The following TTC1 variants were observed in gnomAD, a reference collection of about 807,000 sequenced individuals.
TTC1 encodes tetratricopeptide repeat protein 1.
Under a neutral mutation model 37.6 loss-of-function variants are expected in TTC1, and 31 were observed. The ratio of observed to expected loss-of-function variants is 0.82; its 90% CI spans 0.62 to 1.11. The LOEUF (loss-of-function observed/expected upper bound fraction) is 1.11, where lower values mean the gene tolerates loss of function less well. Among genes scored for constraint, TTC1 ranks in the 50% most tolerant of loss-of-function variants. TTC1 has a pLI of 0.00. For missense variants in TTC1, 351 were observed against 339.0 expected, an observed-to-expected ratio of 1.04 and a Z score of -0.28; for synonymous variants, 127 against 122.4, an observed-to-expected ratio of 1.04 and a Z score of -0.25.
chr5:160,047,559 A>G (rs1757284779), intron 5 of TTC1, among the ~76,000 whole-genome samples: 1 of 152,196 alleles, frequency 6.6e-6, no homozygotes, highest in South Asian at 2.1e-4. Context: ...CGCCAACACT[A>G]CAGCCAAAGC....
chr5:160,037,567 T>C (rs1246975911), intron 4 of TTC1, among the ~76,000 whole-genome samples: 1 of 152,068 alleles, frequency 6.6e-6, no homozygotes, highest in Non-Finnish European at 1.5e-5. Flanking sequence ...AATACAAAAA[T>C]TAGCCAGGCA....
At chr5:160,051,238 GA>G (rs755547392) in intron 7 of TTC1, 55 bp downstream of exon 7, 4 of 1,451,248 alleles carry the variant, frequency 2.8e-6, no homozygotes, top group Non-Finnish European at 3.8e-6. Flanking sequence ...CTAGGGTGGG[GA>G]CATAGCGAAT....
chr5:160,036,607 A>C (rs1418522516), intron 3 of TTC1, 84 bp from the exon 4 acceptor site: 1 of 931,748 alleles, frequency 1.1e-6, no homozygotes, highest in African/African-American at 1.6e-5. Context: ...TATGAATGGA[A>C]AACAGTGCTT....
At chr5:160,013,202 G>A (rs934892350) in intron 2 of TTC1, among the ~76,000 whole-genome samples, 1 of 152,116 alleles carries the variant, frequency 6.6e-6, no homozygotes, top group African/African-American at 2.4e-5. Context: ...ATTGCCTTCA[G>A]CTAACTGTGG....
At chr5:160,031,377 C>T (rs1346065434) in intron 2 of TTC1, among the ~76,000 whole-genome samples, 1 of 151,956 alleles carries the variant, frequency 6.6e-6, no homozygotes, top group Non-Finnish European at 1.5e-5. Context: ...TTTGGGAGGC[C>T]AAGGCAGGTG....
chr5:160,041,316 T>TC (rs1251048656), intron 4 of TTC1, among the ~76,000 whole-genome samples: 2 of 150,054 alleles, frequency 1.3e-5, no homozygotes, highest in Non-Finnish European at 3.0e-5. Context: ...TTTCTTTCTT[T>TC]TTTTTTTTTT....
chr5:160,030,621 A>G (rs1236897303), intron 2 of TTC1, among the ~76,000 whole-genome samples: 1 of 152,224 alleles, frequency 6.6e-6, no homozygotes, highest in Non-Finnish European at 1.5e-5. Context: ...AACTCCGTTC[A>G]TCAAGAGCAT....
At chr5:160,023,219 G>T (rs1425848938) in intron 2 of TTC1, among the ~76,000 whole-genome samples, 2 of 148,590 alleles carry the variant, frequency 1.3e-5, no homozygotes, top group African/African-American at 5.0e-5. Context: ...TTGCATCACT[G>T]CACTCCAGCC....
chr5:160,023,836 G>A, intron 2 of TTC1: 2 of 1,613,584 alleles, frequency 1.2e-6, no homozygotes, highest in South Asian at 1.1e-5. Context: ...AGCTGTCAGA[G>A]TCAGATGACT....
In TTC1 at chr5:160,055,867, A is replaced by G. The variant is rs146909918; in HGVS notation, c.745+4684A>G. Among the ~76,000 whole-genome samples the G allele has an allele frequency of 2.1e-3, 320 of 152,360 alleles. 5 individuals are homozygous for G. The highest frequency in any genetic ancestry group is 0.018 in the Admixed American group (279 of 15,304). ...TGTAGCTGCAGCAGAGAAAAACTAG[A>G]AAGCAAATATTTCAGAATGTGTGGT... is the stretch of plus-strand genomic sequence containing the variant. On this transcript the variant is annotated intron_variant, in intron 7 of 7. Coordinates refer to ENST00000231238, the MANE Select transcript of TTC1 (RefSeq NM_003314.3).
intron 2 of TTC1, among the ~76,000 whole-genome samples, chr5:160,029,422 A>C (rs1756866146): frequency 6.7e-6 from 1 of 148,640 alleles, no homozygotes; most frequent in Non-Finnish European, 1.5e-5. Context: ...TGGGAGGATC[A>C]CTTGAGCCCA....
chr5:160,010,996 G>C, intron 2 of TTC1, 138 bp downstream of exon 2: 1 of 805,380 alleles, frequency 1.2e-6, no homozygotes, highest in Non-Finnish European at 1.9e-6. Context: ...AGTAGTGTTG[G>C]ATCTGAGATA....
At chr5:160,041,286 G>A (rs1581104765) in intron 4 of TTC1, among the ~76,000 whole-genome samples, 1 of 150,090 alleles carries the variant, frequency 6.7e-6, no homozygotes, top group East Asian at 2.0e-4. Flanking sequence ...TTATTATCAA[G>A]TATTATGTAT....
chr5:160,031,010 C>G (rs1341393693), intron 2 of TTC1, among the ~76,000 whole-genome samples: 1 of 152,180 alleles, frequency 6.6e-6, no homozygotes, highest in African/African-American at 2.4e-5. Flanking sequence ...TCTATCATAT[C>G]TATCCTTGGA....
At chr5:160,011,256 C>T (rs927982389) in intron 2 of TTC1, among the ~76,000 whole-genome samples, 8 of 151,926 alleles carry the variant, frequency 5.3e-5, no homozygotes, top group African/African-American at 1.9e-4. Flanking sequence ...TGAACATTTC[C>T]TGTTTATGCT....
At chr5:160,014,114 A>T (rs148221739) in intron 2 of TTC1, among the ~76,000 whole-genome samples, 1 of 152,086 alleles carries the variant, frequency 6.6e-6, no homozygotes, top group Non-Finnish European at 1.5e-5. Flanking sequence ...GCACTCTGGG[A>T]GGCTGAGGCA....
At chr5:160,035,091 A>T in intron 2 of TTC1, 49 bp from the exon 3 acceptor site, 3 of 1,495,602 alleles carry the variant, frequency 2.0e-6, no homozygotes, top group South Asian at 2.7e-5. Context: ...CTTTTTGTTC[A>T]CTTATAATAA....
chr5:160,043,746 C>T (rs1561633820), intron 5 of TTC1, among the ~76,000 whole-genome samples: 1 of 152,154 alleles, frequency 6.6e-6, no homozygotes, highest in East Asian at 1.9e-4. Flanking sequence ...AGAAGGGGGA[C>T]AACTGTGATG....
intron 2 of TTC1, among the ~76,000 whole-genome samples, chr5:160,027,733 G>A (rs192906498): frequency 2.6e-5 from 4 of 152,312 alleles, no homozygotes; most frequent in Admixed American, 6.5e-5. Flanking sequence ...TTTGTTAAAT[G>A]TATAATCTTT....
Sources: gnomAD v4.1 joint callset for allele counts (sites outside exome capture counted in the v4.1 genomes callset) on GRCh38, gnomAD v4.1.1 for gene constraint, MANE v1.5 for transcripts, NCBI Gene and HGNC (gene_info 2026-07-23, HGNC 2026-07-21) for gene names.